NAT8L: variants seen among roughly 807,000 people sequenced by gnomAD.
The protein encoded by NAT8L is N-acetylaspartate synthetase.
NAT8L carries 6 observed loss-of-function variants against 21.2 expected under a neutral mutation model. That is an observed-to-expected ratio of 0.28 (90% CI 0.16 to 0.56). NAT8L has a LOEUF of 0.56. NAT8L is among the 20% of genes least tolerant of loss of function. NAT8L has a pLI of 0.93. For synonymous variants in NAT8L, 239 were observed against 204.9 expected, an observed-to-expected ratio of 1.17 and a Z score of -1.42; for missense variants, 331 against 433.3, an observed-to-expected ratio of 0.76 and a Z score of 2.10.
rs1250597429 is a variant in NAT8L, at chr4:2,060,507, T to C, written c.377-491T>C. 1.3e-5 allele frequency among the ~76,000 whole-genome samples: 2 copies of C among 152,068 alleles called. No individual in the cohort carries two copies. The highest frequency in any genetic ancestry group is 3.9e-4 in the East Asian group (2 of 5,176). On this transcript the variant is annotated intron_variant, in intron 1 of 2. Coordinates refer to ENST00000423729, the MANE Select transcript of NAT8L (RefSeq NM_178557.4). The surrounding 1 kb of genome is among the most constrained non-coding windows in gnomAD (Gnocchi z 4.7). ...ATGCGGCTGGAAGCGGTGTGGGGCC[T>C]CCCTGCCCTGTCCCTGCCCTCAGAG...
rs1577670854 is a variant in NAT8L, at chr4:2,068,377, T to C, written c.*4250T>C. Reference sequence around the variant, plus strand: ...TCTTGGGTATGCATAAGCATGCACGTGTGTATGAATGTGCGTGTGTATGCA... The same window carrying C: ...TCTTGGGTATGCATAAGCATGCACGCGTGTATGAATGTGCGTGTGTATGCA... On this transcript the variant is annotated 3_prime_UTR_variant, in exon 3 of 3. Coordinates refer to ENST00000423729, the MANE Select transcript of NAT8L (RefSeq NM_178557.4). 6.6e-6 allele frequency: 1 copy of C among 152,170 alleles called. No homozygotes were observed. The highest frequency in any genetic ancestry group is 1.9e-4 in the East Asian group (1 of 5,198). 9.4% of individuals were successfully genotyped at this position (152,170 alleles called of 1,614,324 possible).
rs560135546 is a variant in NAT8L, at chr4:2,062,721, C to G, written c.542-1039C>G. ...GGAGACAGAGGTCCCCTTCATGGAG[C>G]CAGCAGGCTGGTGGCTGTGCAGAGG... On this transcript the variant is annotated intron_variant, in intron 2 of 2. Coordinates refer to ENST00000423729, the MANE Select transcript of NAT8L (RefSeq NM_178557.4). Among the ~76,000 whole-genome samples, 242 of 152,206 alleles carry G rather than the reference C, an allele frequency of 1.6e-3. 1 individual carries two copies. The highest frequency in any genetic ancestry group is 5.5e-3 in the African/African-American group (230 of 41,552).
At position 2,059,886 on chromosome 4, in the gene NAT8L, G is replaced by A. The variant is rs1449223503; in HGVS notation, c.375G>A (p.Ala125=). The A allele has an allele frequency of 4.6e-6, 6 of 1,318,394 alleles. No individual in the cohort carries two copies. In the African/African-American group the frequency reaches 9.3e-5, roughly 20 times the overall value. 81.7% of individuals were successfully genotyped at this position (1,318,394 alleles called of 1,614,324 possible). The change falls in exon 1 of 3, where the codon GCG becomes GCA. Residue 125 remains alanine (A), a splice_region_variant and synonymous_variant. Transcript: ENST00000423729. The surrounding 1 kb of genome is among the most constrained non-coding windows in gnomAD (Gnocchi z 4.8). ...PRAQLLYALL[A]ALCFAVSRSL... is the part of the protein sequence containing the mutation. The stretch of plus-strand genomic sequence containing the variant: ...CGCAGCTGCTCTACGCCCTGCTGGC[G>A]GGTCAGTGCGCCGGGCCCCCGGCTG...
rs1237205111 is a variant in NAT8L at position 2,060,283 on chromosome 4, G to A, written c.376+396G>A. ...TCCCGCTCGGTGCTAATTTATGAGG[G>A]GAAGACAGCCGGCGCCGCGGGGGGT... is the stretch of plus-strand genomic sequence containing the variant. On this transcript the variant is annotated intron_variant, in intron 1 of 2. Transcript: ENST00000423729. This position sits in a 1 kb window ranked among gnomAD's most constrained non-coding sequence, Gnocchi z 4.7. Among the ~76,000 whole-genome samples, 1 of 152,146 alleles carries A rather than the reference G, an allele frequency of 6.6e-6. No individual in the cohort carries two copies. The highest frequency in any genetic ancestry group is 2.4e-5 in the African/African-American group (1 of 41,448).
Position 2,060,913 on chromosome 4 carries a change from G to C in NAT8L, c.377-85G>C. 3.2e-6 allele frequency: 2 copies of C among 623,722 alleles called. No homozygotes were observed. The highest frequency in any genetic ancestry group is 3.6e-5 in the East Asian group (1 of 27,514). The allele number at this position is 623,722 out of a possible 1,614,324, so 38.6% of individuals were successfully genotyped here. ...TCCACCAGGAGCGCGGCCGGGCGCG[G>C]CGTCCCTAGCGGGCTTCGCCGGGGT... On this transcript the variant is annotated intron_variant, in intron 1 of 2. Coordinates refer to ENST00000423729, the MANE Select transcript of NAT8L (RefSeq NM_178557.4). This position sits in a 1 kb window ranked among gnomAD's most constrained non-coding sequence, Gnocchi z 4.7.
Position 2,066,507 on chromosome 4 carries a change from G to C in NAT8L, c.*2380G>C, listed in dbSNP as rs1353874876. The stretch of plus-strand genomic sequence containing the variant: ...TGGTGGCGCCCTTGAAGGCCACTGG[G>C]GGGTAGGTGTGTCCTCCCCCGGGGC... On this transcript the variant is annotated 3_prime_UTR_variant, in exon 3 of 3. Coordinates refer to ENST00000423729, the MANE Select transcript of NAT8L (RefSeq NM_178557.4). 4.0e-5 allele frequency: 6 copies of C among 151,734 alleles called. No homozygotes were observed. The highest frequency in any genetic ancestry group is 8.8e-5 in the Non-Finnish European group (6 of 67,918). 9.4% of individuals were successfully genotyped at this position (151,734 alleles called of 1,614,324 possible). A position where few individuals can be genotyped will look rare whatever the true frequency, so the allele number is the denominator to read the frequency against.
rs1007093347 is a variant in NAT8L, at chr4:2,060,125, C to A, written c.376+238C>A. Reference sequence around the variant, plus strand: ...CCGCACCTGCGTCCCCGCCGCGCAGCCCCCCACCCCCACCGCCTCCCCTGT... The same window carrying A: ...CCGCACCTGCGTCCCCGCCGCGCAGACCCCCACCCCCACCGCCTCCCCTGT... On this transcript the variant is annotated intron_variant, in intron 1 of 2. Coordinates refer to ENST00000423729, the MANE Select transcript of NAT8L (RefSeq NM_178557.4). This position sits in a 1 kb window ranked among gnomAD's most constrained non-coding sequence, Gnocchi z 4.7. 6.6e-6 allele frequency among the ~76,000 whole-genome samples: 1 copy of A among 151,998 alleles called. No homozygotes were observed. Among genetic ancestry groups the A allele is most frequent in the African/African-American group, 2.4e-5 (1 of 41,414 alleles).
rs1315678587 is a variant in NAT8L, at chr4:2,065,856, G to C, written c.*1729G>C. 1 of 152,640 alleles carries C rather than the reference G, an allele frequency of 6.6e-6. No individual in the cohort carries two copies. The highest frequency in any genetic ancestry group is 2.4e-5 in the African/African-American group (1 of 41,456). The allele number at this position is 152,640 out of a possible 1,614,324, so 9.5% of individuals were successfully genotyped here. On this transcript the variant is annotated 3_prime_UTR_variant, in exon 3 of 3. Transcript: ENST00000423729. Reference sequence around the variant, plus strand: ...CGGCACCCTATTTTCTTGCAGCTCAGATTTTGTTAATCTGGAATATACAGA... The same window carrying C: ...CGGCACCCTATTTTCTTGCAGCTCACATTTTGTTAATCTGGAATATACAGA...
Position 2,063,815 on chromosome 4 carries a change from A to G in NAT8L, c.597A>G (p.Ala199=). 6.2e-7 allele frequency: 1 copy of G among 1,612,368 alleles called. No individual in the cohort carries two copies. Among genetic ancestry groups the G allele is most frequent in the Non-Finnish European group, 8.5e-7 (1 of 1,179,958 alleles). The change falls in exon 3 of 3, where the codon GCA becomes GCG. Residue 199 remains alanine, a synonymous_variant. Coordinates refer to ENST00000423729, the MANE Select transcript of NAT8L (RefSeq NM_178557.4). The part of the protein sequence containing the change: ...LDGNVVGIVA[A]RAHEEDNTVE... ...GCAACGTGGTGGGCATTGTGGCTGC[A>G]CGGGCCCACGAGGAGGACAACACGG...
chr4:2,061,528 G>C (rs1011452739), intron 2 of NAT8L, among the ~76,000 whole-genome samples: 4 of 152,200 alleles, frequency 2.6e-5, no homozygotes, highest in Non-Finnish European at 4.4e-5. Flanking sequence ...CCTGGGGGGA[G>C]AGGGCTTGTG....
rs1729813725 is a variant in NAT8L, at chr4:2,059,678, C to T, written c.167C>T (p.Pro56Leu). The T allele has an allele frequency of 9.9e-7, 1 of 1,011,532 alleles. No homozygotes were observed. Among genetic ancestry groups the T allele is most frequent in the Admixed American group, 6.0e-5 (1 of 16,698 alleles). The allele number at this position is 1,011,532 out of a possible 1,614,324, so 62.7% of individuals were successfully genotyped here. A position where few individuals can be genotyped will look rare whatever the true frequency, so the allele number is the denominator to read the frequency against. The change falls in exon 1 of 3, where the codon CCA becomes CTA. Residue 56 changes from proline to leucine, a missense_variant. Transcript: ENST00000423729. This position sits in a 1 kb window ranked among gnomAD's most constrained non-coding sequence, Gnocchi z 4.8. ...CCGGCCGCCGCGCCCCCCGCGCCCC[C>T]ACCTGCCCCGGTGGCTCAGCCTCAC... ...PGPAAAPPAP[P>L]PAPVAQPHGG... is the part of the protein sequence containing the mutation.
Position 2,069,060 on chromosome 4 carries a change from T to G in NAT8L, c.*4933T>G, listed in dbSNP as rs2108683079. On this transcript the variant is annotated 3_prime_UTR_variant, in exon 3 of 3. Coordinates refer to ENST00000423729, the MANE Select transcript of NAT8L (RefSeq NM_178557.4). ...TCCCCTGAATGGCCCCCAATGCTGC[T>G]GTTTTTCAATAAAACCAGAGTTGAA... 6.6e-6 allele frequency: 1 copy of G among 152,300 alleles called. No homozygotes were observed. The highest frequency in any genetic ancestry group is 1.9e-4 in the East Asian group (1 of 5,172). 9.4% of individuals were successfully genotyped at this position (152,300 alleles called of 1,614,324 possible). A position where few individuals can be genotyped will look rare whatever the true frequency, so the allele number is the denominator to read the frequency against.
Position 2,064,719 on chromosome 4 carries a change from C to G in NAT8L, c.*592C>G, listed in dbSNP as rs1260781026. 1 of 153,394 alleles carries G rather than the reference C, an allele frequency of 6.5e-6. No homozygotes were observed. The highest frequency in any genetic ancestry group is 6.5e-5 in the Admixed American group (1 of 15,282). 9.5% of individuals were successfully genotyped at this position (153,394 alleles called of 1,614,324 possible). On this transcript the variant is annotated 3_prime_UTR_variant, in exon 3 of 3. Coordinates refer to ENST00000423729, the MANE Select transcript of NAT8L (RefSeq NM_178557.4). ...GGCTGTGGGAGGGCCTGCCCCTGCC[C>G]CCACCTCCTGGAGGGCCTGGTCTGC...
Position 2,059,523 on chromosome 4 carries a change from G to A in NAT8L, c.12G>A (p.Gly4=). The change falls in exon 1 of 3, where the codon GGG becomes GGA. Residue 4 remains glycine (G), a synonymous_variant. Transcript: ENST00000423729. This position sits in a 1 kb window ranked among gnomAD's most constrained non-coding sequence, Gnocchi z 4.8. MHC[G]PPDMVCETKI... ...GCCCGGCCGGGTGCATGCATTGTGG[G>A]CCTCCCGACATGGTCTGCGAGACGA... The A allele has an allele frequency of 1.0e-6, 1 of 1,000,002 alleles. No individual in the cohort carries two copies. Among genetic ancestry groups the A allele is most frequent in the Non-Finnish European group, 1.2e-6 (1 of 839,468 alleles). The allele number at this position is 1,000,002 out of a possible 1,614,324, so 61.9% of individuals were successfully genotyped here. A position where few individuals can be genotyped will look rare whatever the true frequency, so the allele number is the denominator to read the frequency against.
rs576911357 is a variant in NAT8L at position 2,068,174 on chromosome 4, T to C, written c.*4047T>C. 2 of 152,202 alleles carry C rather than the reference T, an allele frequency of 1.3e-5. No homozygotes were observed. The highest frequency in any genetic ancestry group is 2.4e-5 in the African/African-American group (1 of 41,402). The allele number at this position is 152,202 out of a possible 1,614,324, so 9.4% of individuals were successfully genotyped here. A position where few individuals can be genotyped will look rare whatever the true frequency, so the allele number is the denominator to read the frequency against. ...TTCTTGGATATGTGTAGTGTGAGCA[T>C]GTGTGCATGTGTGAGCCTGTGCACG... is the stretch of plus-strand genomic sequence containing the variant. On this transcript the variant is annotated 3_prime_UTR_variant, in exon 3 of 3. Coordinates refer to ENST00000423729, the MANE Select transcript of NAT8L (RefSeq NM_178557.4).
In NAT8L at chr4:2,059,645, C is replaced by T. The variant is rs1729812542; in HGVS notation, c.134C>T (p.Ala45Val). Residue 45 changes from alanine to valine, a missense_variant, in exon 1 of 3, where the codon GCG (alanine) becomes GTG (valine). Around this residue, in one of 2 missense-constraint regions of NAT8L, gnomAD observed 199 missense variants for 196.1 expected, o/e 1.01. Coordinates refer to ENST00000423729, the MANE Select transcript of NAT8L (RefSeq NM_178557.4). The surrounding 1 kb of genome is among the most constrained non-coding windows in gnomAD (Gnocchi z 4.8). ...GCCATGTGGCCCCCGCTGCCCGCCG[C>T]GCCCGGGCCGGCCGCCGCGCCCCCC... ...AGAMWPPLPA[A>V]PGPAAAPPAP... 2.1e-6 allele frequency: 2 copies of T among 967,024 alleles called. No homozygotes were observed. The highest frequency in any genetic ancestry group is 4.6e-5 in the South Asian group (1 of 21,874). 59.9% of individuals were successfully genotyped at this position (967,024 alleles called of 1,614,324 possible).
rs1378330381 is a variant in NAT8L at position 2,059,761 on chromosome 4, C to A, written c.250C>A (p.Arg84Ser). The part of the protein sequence containing the change: ...GGRGVCIREF[R>S]AAEQEAARRI... ...GCGCGGCGTGTGCATCCGCGAGTTC[C>A]GTGCGGCCGAGCAGGAGGCGGCGCG... Residue 84 changes from arginine (R) to serine (S), a missense_variant, in exon 1 of 3, where the codon CGT becomes AGT. Physicochemically the swap from Arg to Ser is moderately radical, Grantham distance 110. Transcript: ENST00000423729. This position sits in a 1 kb window ranked among gnomAD's most constrained non-coding sequence, Gnocchi z 4.8. 9.1e-6 allele frequency: 12 copies of A among 1,321,068 alleles called. No homozygotes were observed. Among genetic ancestry groups the A allele is most frequent in the Non-Finnish European group, 1.2e-5 (12 of 1,023,310 alleles). The allele number at this position is 1,321,068 out of a possible 1,614,324, so 81.8% of individuals were successfully genotyped here.
chr4:2,066,306 G>A lies in NAT8L; in HGVS notation c.*2179G>A, dbSNP rs1346595943. The A allele has an allele frequency of 6.6e-6, 1 of 152,418 alleles. No individual in the cohort carries two copies. The highest frequency in any genetic ancestry group is 2.4e-5 in the African/African-American group (1 of 41,444). 9.4% of individuals were successfully genotyped at this position (152,418 alleles called of 1,614,324 possible). On this transcript the variant is annotated 3_prime_UTR_variant, in exon 3 of 3. Transcript: ENST00000423729. ...TCTTCCTTGGCTGCACTGCCCTGTGGGTGGTGAGACGCTTGGCCTTTTTTG... is the reference window on the plus strand; with the variant it reads ...TCTTCCTTGGCTGCACTGCCCTGTGAGTGGTGAGACGCTTGGCCTTTTTTG...
chr4:2,064,045 C>G lies in NAT8L; in HGVS notation c.827C>G (p.Pro276Arg). The G allele has an allele frequency of 6.2e-7, 1 of 1,611,030 alleles. No homozygotes were observed. Among genetic ancestry groups the G allele is most frequent in the Non-Finnish European group, 8.5e-7 (1 of 1,179,374 alleles). ...HMGASDHYVL[P>R]GMTLSLAERL... Reference sequence around the variant, plus strand: ...GGCGCCAGTGACCACTACGTGCTGCCGGGCATGACCCTCTCGCTGGCTGAG... The same window carrying G: ...GGCGCCAGTGACCACTACGTGCTGCGGGGCATGACCCTCTCGCTGGCTGAG... The change falls in exon 3 of 3, where the codon CCG (proline) becomes CGG (arginine). Residue 276 changes from proline (P) to arginine (R), a missense_variant. This residue lies in a region of NAT8L where 132 missense variants were observed against 237.1 expected (regional missense o/e 0.56). Transcript: ENST00000423729.
Sources: allele counts gnomAD v4.1 joint callset (sites outside exome capture counted in the v4.1 genomes callset), GRCh38; gene constraint gnomAD v4.1.1; regional missense constraint gnomAD v4.1.1; non-coding constraint Gnocchi (gnomAD v3.1); transcripts MANE v1.5; gene names NCBI Gene and HGNC (gene_info 2026-07-23, HGNC 2026-07-21).